Variants in KDM6A observed in about 807,000 individuals in gnomAD.
KDM6A encodes lysine demethylase 6A.
KDM6A carries 11 observed loss-of-function variants against 117.6 expected under a neutral mutation model. That is an observed-to-expected ratio of 0.09 (90% CI 0.06 to 0.15). The LOEUF (loss-of-function observed/expected upper bound fraction) is 0.15, where lower values mean the gene tolerates loss of function less well. Ranked by LOEUF, KDM6A falls within the 10% of genes least tolerant of loss-of-function variation. The pLI, the probability that KDM6A is intolerant of heterozygous loss-of-function variation, is 1.00. For synonymous variants in KDM6A, 384 were observed against 396.1 expected (o/e 0.97, Z 0.36); for missense variants, 799 against 1,077.3 (o/e 0.74, Z 3.62).
At chrX:45,084,300 C>T (rs1229926057) in intron 24 of KDM6A, among the ~76,000 whole-genome samples, 2 of 111,990 alleles carry the variant, frequency 1.8e-5, no homozygotes, top group Admixed American at 9.5e-5. Flanking sequence ...TCTTTGTGCT[C>T]TTTTGCATTG....
Position 44,958,795 on chromosome X carries a change from AAAT to A in KDM6A, c.226-2485_226-2483del, listed in dbSNP as rs377641634. ...TTAAAATTTTAAAAGCAAGAAATAA[AAAT>A]AATCCTATTGACTGGAGATATTTTT... On this transcript the variant is annotated intron_variant, in intron 2 of 29. Coordinates refer to ENST00000611820, the MANE Select transcript of KDM6A (RefSeq NM_001291415.2). Among the ~76,000 whole-genome samples the A allele has an allele frequency of 2.9e-3, 316 of 110,052 alleles. 1 individual carries two copies. Among genetic ancestry groups the A allele is most frequent in the African/African-American group, 9.9e-3 (297 of 30,122 alleles).
chrX:45,031,118 C>T (rs1276703119), intron 6 of KDM6A, among the ~76,000 whole-genome samples: 5 of 112,250 alleles, frequency 4.5e-5, no homozygotes, highest in African/African-American at 1.6e-4. Flanking sequence ...TCATTATAAC[C>T]CTGTTTTATA....
chrX:44,936,230 C>T (rs768116614), intron 2 of KDM6A, among the ~76,000 whole-genome samples: 1 of 111,155 alleles, frequency 9.0e-6, no homozygotes. Flanking sequence ...AGGACACATA[C>T]GATTGTATTT....
Position 45,080,701 on chromosome X carries a change from A to G in KDM6A, c.3300+1350A>G, listed in dbSNP as rs748351112. 3.6e-5 allele frequency among the ~76,000 whole-genome samples: 4 copies of G among 112,222 alleles called. No individual in the cohort carries two copies. The South Asian group carries it at 1.5e-3, about 41-fold the overall frequency. On this transcript the variant is annotated intron_variant, in intron 21 of 29. Transcript: ENST00000611820. ...TTACAAAGAAATTCTTCTAATAAAA[A>G]CTATCCTGTGACTTTACTGAGTTGC...
At chrX:44,880,562 G>T (rs1438705481) in intron 2 of KDM6A, among the ~76,000 whole-genome samples, 1 of 108,476 alleles carries the variant, frequency 9.2e-6, no homozygotes, top group Non-Finnish European at 1.9e-5. Context: ...AGACTGAGGC[G>T]GATGGATCAA....
rs1031656539 is a variant in KDM6A at position 45,025,261 on chromosome X, C to T, written c.564+4531C>T. On this transcript the variant is annotated intron_variant, in intron 6 of 29. Coordinates refer to ENST00000611820, the MANE Select transcript of KDM6A (RefSeq NM_001291415.2). ...CACTGCAACCTCCGCCTCCCAGTTT[C>T]GAACAATTCTCCTGTCTCAGCCTCC... Among the ~76,000 whole-genome samples, 282 of 111,343 alleles carry T rather than the reference C, an allele frequency of 2.5e-3. 2 individuals carry two copies. Among genetic ancestry groups the T allele is most frequent in the African/African-American group, 9.1e-3 (279 of 30,576 alleles).
At chrX:45,054,087 G>T in intron 10 of KDM6A, 132 bp downstream of exon 10, 5 of 716,515 alleles carry the variant, frequency 7.0e-6, no homozygotes, top group South Asian at 2.6e-5. Context: ...TATTAACCAA[G>T]ATTCCTGAAA....
At chrX:45,099,522 A>G (rs961333647) in intron 27 of KDM6A, among the ~76,000 whole-genome samples, 7 of 111,377 alleles carry the variant, frequency 6.3e-5, no homozygotes, top group Non-Finnish European at 1.1e-4. Context: ...ACTACTAATG[A>G]TGTTTACTTT....
chrX:44,943,826 G>A (rs2037473153), intron 2 of KDM6A, among the ~76,000 whole-genome samples: 4 of 111,672 alleles, frequency 3.6e-5, no homozygotes, highest in Admixed American at 1.9e-4. Flanking sequence ...GGATTGCTGA[G>A]TCATGTGGTA....
At chrX:44,911,351 G>A (rs1207511839) in intron 2 of KDM6A, among the ~76,000 whole-genome samples, 4 of 106,375 alleles carry the variant, frequency 3.8e-5, no homozygotes, top group East Asian at 3.0e-4. Context: ...CTTCTCAGAC[G>A]GGGTGGCCGG....
Position 45,003,807 on chromosome X carries a change from G to C in KDM6A, c.385-7154G>C, listed in dbSNP as rs2041282167. ...TCTTTGACTCCCTCTTTGTCTCTCT[G>C]TCTCTTCCTCTCTCTCTCTGCCTTT... is the stretch of plus-strand genomic sequence containing the variant. On this transcript the variant is annotated intron_variant, in intron 4 of 29. Coordinates refer to ENST00000611820, the MANE Select transcript of KDM6A (RefSeq NM_001291415.2). 3.8e-5 allele frequency among the ~76,000 whole-genome samples: 4 copies of C among 103,951 alleles called. No homozygotes were observed. The South Asian group carries it at 1.8e-3, about 47-fold the overall frequency. 90.3% of individuals were successfully genotyped at this position (103,951 alleles called of 115,157 possible). A position where few individuals can be genotyped will look rare whatever the true frequency, so the allele number is the denominator to read the frequency against.
intron 2 of KDM6A, among the ~76,000 whole-genome samples, chrX:44,878,679 T>C (rs1457368806): frequency 9.0e-6 from 1 of 111,485 alleles, no homozygotes. Context: ...CAATTACAAA[T>C]TGAAATAACT....
chrX:45,075,462 A>T (rs1217359936), intron 18 of KDM6A, among the ~76,000 whole-genome samples: 1 of 112,026 alleles, frequency 8.9e-6, no homozygotes, highest in Non-Finnish European at 1.9e-5. Context: ...AGCTGAATGT[A>T]AAATTTCAGT....
intron 27 of KDM6A, among the ~76,000 whole-genome samples, chrX:45,103,549 C>T (rs1034804913): frequency 9.0e-6 from 1 of 111,573 alleles, no homozygotes; most frequent in Non-Finnish European, 1.9e-5. Context: ...CATTAATTGC[C>T]CATAAATATA....
At chrX:45,095,359 C>CT (rs1469097749) in intron 27 of KDM6A, among the ~76,000 whole-genome samples, 1 of 110,917 alleles carries the variant, frequency 9.0e-6, no homozygotes, top group Admixed American at 9.6e-5. Context: ...AAGAAGCTGA[C>CT]TAGGGAGTCT....
intron 27 of KDM6A, among the ~76,000 whole-genome samples, chrX:45,099,034 CAGTTA>C (rs1226641923): frequency 8.9e-6 from 1 of 111,759 alleles, no homozygotes; most frequent in African/African-American, 3.3e-5. Context: ...CTGGATTCAT[CAGTTA>C]AGTTTTTGCC....
chrX:44,951,061 A>AT (rs756291573), intron 2 of KDM6A, among the ~76,000 whole-genome samples: 81 of 110,662 alleles, frequency 7.3e-4, no homozygotes, highest in African/African-American at 1.9e-3. Context: ...ATTAGTTTAG[A>AT]TTGTATGACC....
intron 4 of KDM6A, among the ~76,000 whole-genome samples, chrX:45,002,431 C>T (rs749982225): frequency 8.9e-5 from 10 of 111,952 alleles, no homozygotes; most frequent in Non-Finnish European, 1.5e-4. Context: ...CTGGATGATA[C>T]CTCTTTAACT....
rs766124123 is a variant in KDM6A at position 44,967,749 on chromosome X, A to G, written c.334+6357A>G. Reference sequence around the variant, plus strand: ...TGTCTTACAAGAATTCCAAGAAACAATTTTGGTCTGAAGATGGTATAATTT... The same window carrying G: ...TGTCTTACAAGAATTCCAAGAAACAGTTTTGGTCTGAAGATGGTATAATTT... On this transcript the variant is annotated intron_variant, in intron 3 of 29. Transcript: ENST00000611820. Among the ~76,000 whole-genome samples, 17 of 112,155 alleles carry G rather than the reference A, an allele frequency of 1.5e-4. No individual in the cohort carries two copies. The East Asian group carries it at 2.5e-3, about 17-fold the overall frequency.
Sources: gnomAD v4.1 joint callset for allele counts (sites outside exome capture counted in the v4.1 genomes callset) on GRCh38, gnomAD v4.1.1 for gene constraint, MANE v1.5 for transcripts, NCBI Gene and HGNC (gene_info 2026-07-23, HGNC 2026-07-21) for gene names.